The following GBP7 variants were observed in gnomAD, a reference collection of about 807,000 sequenced individuals.
GBP7 encodes the protein guanylate binding protein 7, also known as guanylate-binding protein 7.
A neutral mutation model predicts 61.3 loss-of-function variants in GBP7; 43 were observed. The ratio of observed to expected loss-of-function variants is 0.70; its 90% CI spans 0.55 to 0.91. The LOEUF (loss-of-function observed/expected upper bound fraction) is 0.91. Among genes scored for constraint, GBP7 ranks in the 40% least tolerant of loss-of-function variants. The probability of loss-of-function intolerance (pLI) is 0.00; values close to 1 mark genes in which losing one functional copy is unlikely to be tolerated. For synonymous variants in GBP7, 267 were observed against 271.0 expected (o/e 0.99, Z 0.14); for missense variants, 717 against 740.5 (o/e 0.97, Z 0.37).
rs143239867 is a variant in GBP7 at position 89,132,198 on chromosome 1, C to G, written c.1868G>C (p.Ser623Thr). Residue 623 changes from serine to threonine, a missense_variant, in exon 11 of 11, where the codon AGC (serine) becomes ACC (threonine). Physicochemically the swap from Ser to Thr is moderately conservative, Grantham distance 58 (BLOSUM62 1). Around this residue, in one of 3 missense-constraint regions of GBP7, gnomAD observed 312 missense variants for 310.1 expected, o/e 1.01. Transcript: ENST00000294671. Reference sequence around the variant, plus strand: ...ATTTCTCAGCCTATTACATAATGAGCTAAGAATTTTCATTCCTAAATCAAC... The same window carrying G: ...ATTTCTCAGCCTATTACATAATGAGGTAAGAATTTTCATTCCTAAATCAAC... ...KLVDLGMKIL[S>T]SLCNRLRNPG... is the part of the protein sequence containing the mutation. 33 of 1,612,932 alleles carry G rather than the reference C, an allele frequency of 2.0e-5. No homozygotes were observed. The African/African-American group carries it at 3.9e-4, about 19-fold the overall frequency.
chr1:89,135,940 A>G (rs1681791340), intron 9 of GBP7, among the ~76,000 whole-genome samples: 3 of 152,324 alleles, frequency 2.0e-5, no homozygotes, highest in East Asian at 1.9e-4. Flanking sequence ...AATTACACCA[A>G]TAGGCTCAAA....
In GBP7 at chr1:89,147,730, G is replaced by A. The variant is rs762364013; in HGVS notation, c.1202C>T (p.Ala401Val). 4.3e-5 allele frequency: 69 copies of A among 1,614,080 alleles called. No homozygotes were observed. The highest frequency in any genetic ancestry group is 5.8e-5 in the Non-Finnish European group (68 of 1,180,028). The change falls in exon 8 of 11, where the codon GCA becomes GTA. Residue 401 changes from alanine to valine, a missense_variant. This residue lies in a region of GBP7 where 312 missense variants were observed against 310.1 expected (regional missense o/e 1.01). Coordinates refer to ENST00000294671, the MANE Select transcript of GBP7 (RefSeq NM_207398.3). Reference protein sequence around the residue: ...KEDFVLQNEEASAKYCQAELK... With the variant: ...KEDFVLQNEEVSAKYCQAELK... ...CTCAGCCTGACAATATTTGGCAGAT[G>A]CCTCTTCATTCTGCAGCACAAAGTC... is the stretch of plus-strand genomic sequence containing the variant.
intron 8 of GBP7, among the ~76,000 whole-genome samples, chr1:89,144,447 A>G (rs1682020596): frequency 6.6e-6 from 1 of 152,142 alleles, no homozygotes; most frequent in African/African-American, 2.4e-5. Flanking sequence ...TAGTTCTTTA[A>G]GAAATCTCCA....
At chr1:89,141,774 C>G in intron 8 of GBP7, 126 bp from the exon 9 acceptor site, 2 of 716,288 alleles carry the variant, frequency 2.8e-6, no homozygotes. Flanking sequence ...TAAGATTCCA[C>G]AGTGGTTTCT....
At chr1:89,152,606 A>T in intron 4 of GBP7, 62 bp downstream of exon 4, 3 of 1,537,642 alleles carry the variant, frequency 2.0e-6, no homozygotes, top group Non-Finnish European at 2.7e-6. Flanking sequence ...AAGAAGACAC[A>T]GTATCAGTTT....
chr1:89,142,794 A>AG (rs1318887807), intron 8 of GBP7, among the ~76,000 whole-genome samples: 1 of 151,430 alleles, frequency 6.6e-6, no homozygotes, highest in Non-Finnish European at 1.5e-5. Context: ...TCTTTCAAAA[A>AG]AAATTTAGAT....
chr1:89,173,457 C>T (rs1437652101), intron 1 of GBP7, among the ~76,000 whole-genome samples: 2 of 152,144 alleles, frequency 1.3e-5, no homozygotes, highest in African/African-American at 2.4e-5. Flanking sequence ...GGTCTTCTAA[C>T]ACATAATACA....
chr1:89,146,610 T>C (rs1177181178), intron 8 of GBP7, among the ~76,000 whole-genome samples: 2 of 152,136 alleles, frequency 1.3e-5, no homozygotes, highest in Non-Finnish European at 2.9e-5. Flanking sequence ...ACAAAACTGA[T>C]TTTTAAAAAA....
chr1:89,144,789 G>C (rs1682029045), intron 8 of GBP7, among the ~76,000 whole-genome samples: 1 of 151,994 alleles, frequency 6.6e-6, no homozygotes, highest in African/African-American at 2.4e-5. Flanking sequence ...CTAGTATAAA[G>C]TACATTGTTT....
At chr1:89,166,549 G>T (rs1008270417) in intron 2 of GBP7, among the ~76,000 whole-genome samples, 1 of 152,134 alleles carries the variant, frequency 6.6e-6, no homozygotes, top group African/African-American at 2.4e-5. Context: ...TTAGAATACC[G>T]CAGGAATTAA....
chr1:89,135,601 G>T (rs1280571381), intron 9 of GBP7, among the ~76,000 whole-genome samples: 4 of 151,826 alleles, frequency 2.6e-5, no homozygotes, highest in Non-Finnish European at 4.4e-5. Flanking sequence ...GCCAAACTAA[G>T]GTTCATAAGA....
At chr1:89,173,072 C>T (rs1647648251) in intron 1 of GBP7, among the ~76,000 whole-genome samples, 1 of 151,282 alleles carries the variant, frequency 6.6e-6, no homozygotes, top group Non-Finnish European at 1.5e-5. Flanking sequence ...TTTTTACATG[C>T]TTCCATCATA....
At chr1:89,151,871 C>T (rs748367698) in intron 5 of GBP7, among the ~76,000 whole-genome samples, 19 of 151,932 alleles carry the variant, frequency 1.3e-4, no homozygotes, top group Non-Finnish European at 2.4e-4. Context: ...TGACTTCTTG[C>T]GATTCTGTGT....
At chr1:89,145,345 C>A (rs1379318246) in intron 8 of GBP7, among the ~76,000 whole-genome samples, 1 of 152,152 alleles carries the variant, frequency 6.6e-6, no homozygotes, top group Non-Finnish European at 1.5e-5. Flanking sequence ...TAATGTCCTC[C>A]AGGTTCATTC....
intron 2 of GBP7, 37 bp downstream of exon 2, chr1:89,171,709 A>T (rs774394884): frequency 7.6e-6 from 12 of 1,583,944 alleles, no homozygotes; most frequent in Non-Finnish European, 1.0e-5. Flanking sequence ...GTAACTGGAC[A>T]GATGGGGCTC....
chr1:89,151,264 C>T (rs781367350), intron 5 of GBP7, among the ~76,000 whole-genome samples: 7 of 152,138 alleles, frequency 4.6e-5, no homozygotes, highest in South Asian at 2.1e-4. Flanking sequence ...ATGTATTTGA[C>T]GTTTTGAAAT....
intron 9 of GBP7, among the ~76,000 whole-genome samples, chr1:89,139,281 T>C (rs1681880280): frequency 6.6e-6 from 1 of 152,152 alleles, no homozygotes; most frequent in South Asian, 2.1e-4. Context: ...TTACACCTTA[T>C]ACAAAAATGA....
chr1:89,154,723 T>A (rs1682274451), intron 3 of GBP7, among the ~76,000 whole-genome samples: 2 of 150,752 alleles, frequency 1.3e-5, no homozygotes, highest in African/African-American at 4.9e-5. Context: ...TAAAATAAAA[T>A]AAAATAAAGA....
At chr1:89,146,847 G>A (rs1261153898) in intron 8 of GBP7, among the ~76,000 whole-genome samples, 1 of 152,182 alleles carries the variant, frequency 6.6e-6, no homozygotes, top group East Asian at 1.9e-4. Context: ...GAGGAAATTA[G>A]TATAGGAAAG....
Sources: allele counts gnomAD v4.1 joint callset (sites outside exome capture counted in the v4.1 genomes callset), GRCh38; gene constraint gnomAD v4.1.1; regional missense constraint gnomAD v4.1.1; transcripts MANE v1.5; gene names NCBI Gene and HGNC (gene_info 2026-07-23, HGNC 2026-07-21).